The following CNBD1 variants were observed in gnomAD, a reference collection of about 807,000 sequenced individuals.
CNBD1 encodes the protein cyclic nucleotide-binding domain-containing protein 1.
A neutral mutation model predicts 54.4 loss-of-function variants in CNBD1; 71 were observed. The observed-to-expected ratio is 1.30, with a 90% CI of 1.08 to 1.59. The LOEUF (loss-of-function observed/expected upper bound fraction) is 1.59, where lower values mean the gene tolerates loss of function less well. Among genes scored for constraint, CNBD1 ranks in the 40% most tolerant of loss-of-function variants. The probability of loss-of-function intolerance (pLI) is 0.00; values close to 1 mark genes in which losing one functional copy is unlikely to be tolerated. For missense variants in CNBD1, 659 were observed against 518.0 expected (o/e 1.27, Z -2.64); for synonymous variants, 182 against 170.7 (o/e 1.07, Z -0.51).
intron 5 of CNBD1, among the ~76,000 whole-genome samples, chr8:87,208,576 ATGAT>A (rs1023842745): frequency 3.3e-5 from 5 of 152,034 alleles, no homozygotes; most frequent in Non-Finnish European, 5.9e-5. Flanking sequence ...GGACATTTTT[ATGAT>A]TGATAACCTA....
chr8:87,135,003 CTTAGAG>C (rs1586279918), intron 4 of CNBD1, among the ~76,000 whole-genome samples: 1 of 152,198 alleles, frequency 6.6e-6, no homozygotes, highest in East Asian at 1.9e-4. Flanking sequence ...AATGTTCACA[CTTAGAG>C]TTAGGTCATT....
At chr8:87,047,597 T>C (rs1362431178) in intron 4 of CNBD1, among the ~76,000 whole-genome samples, 3 of 152,348 alleles carry the variant, frequency 2.0e-5, no homozygotes, top group African/African-American at 7.2e-5. Flanking sequence ...AAGCAAAATA[T>C]TACAGAAGTG....
At position 87,202,045 on chromosome 8, in the gene CNBD1, CA is replaced by C. The variant is rs1466546112; in HGVS notation, c.432-3945del. 3.9e-5 allele frequency among the ~76,000 whole-genome samples: 6 copies of C among 152,054 alleles called. No homozygotes were observed. In the East Asian group the frequency reaches 1.2e-3, roughly 29 times the overall value. Reference sequence around the variant, plus strand: ...AGACATCATTTTGAAAATGTAATAACAAATATATGTAGGCAAATATATAAGC... The same window carrying C: ...AGACATCATTTTGAAAATGTAATAACAATATATGTAGGCAAATATATAAGC... On this transcript the variant is annotated intron_variant, in intron 4 of 10. Transcript: ENST00000518476.
chr8:87,080,407 C>G lies in CNBD1; in HGVS notation c.432-125586C>G, dbSNP rs575262107. 3.3e-5 allele frequency among the ~76,000 whole-genome samples: 5 copies of G among 152,084 alleles called. No individual in the cohort carries two copies. The East Asian group carries it at 7.7e-4, about 24-fold the overall frequency. On this transcript the variant is annotated intron_variant, in intron 4 of 10. Transcript: ENST00000518476. ...GACCAGCTTGGCTAACATGGTGAAACCCCGTCTCTACTAATAACGCAAAAA... is the reference window on the plus strand; with the variant it reads ...GACCAGCTTGGCTAACATGGTGAAAGCCCGTCTCTACTAATAACGCAAAAA...
chr8:87,411,936 G>A (rs942768513), intron 2 of CNBD1, among the ~76,000 whole-genome samples: 8 of 151,848 alleles, frequency 5.3e-5, no homozygotes, highest in Admixed American at 2.0e-4. Flanking sequence ...TTGCTTGTAC[G>A]GGAGAAGTGT....
intron 3 of CNBD1, among the ~76,000 whole-genome samples, chr8:86,913,723 C>T (rs9649984): frequency 0.29 from 43,443 of 152,016 alleles, 6,664 homozygotes; most frequent in East Asian, 0.42. Context: ...AGACTTGTCC[C>T]GCTGTGCACG....
chr8:86,887,198 A>C (rs1228285468), intron 1 of CNBD1, among the ~76,000 whole-genome samples: 1 of 152,172 alleles, frequency 6.6e-6, no homozygotes, highest in East Asian at 1.9e-4. Flanking sequence ...GTCATGTCTG[A>C]AGTTCTGGAA....
intron 10 of CNBD1, among the ~76,000 whole-genome samples, chr8:87,372,750 T>A (rs1810839987): frequency 6.6e-6 from 1 of 151,880 alleles, no homozygotes; most frequent in Non-Finnish European, 1.5e-5. Flanking sequence ...CTTAATAATT[T>A]AAGTTCAATC....
At chr8:87,411,641 G>A (rs1807748746) in intron 2 of CNBD1, among the ~76,000 whole-genome samples, 1 of 144,870 alleles carries the variant, frequency 6.9e-6, no homozygotes, top group Non-Finnish European at 1.5e-5. Context: ...CATAAGACAT[G>A]TGTTGGGCTT....
intron 4 of CNBD1, among the ~76,000 whole-genome samples, chr8:87,194,577 C>G (rs990165860): frequency 1.3e-5 from 2 of 152,116 alleles, no homozygotes; most frequent in Non-Finnish European, 2.9e-5. Context: ...AACCAATATC[C>G]CCTTTGGAAA....
At chr8:87,099,065 A>AAAAAAAAAC (rs978372704) in intron 4 of CNBD1, among the ~76,000 whole-genome samples, 1 of 143,982 alleles carries the variant, frequency 6.9e-6, no homozygotes, top group African/African-American at 2.8e-5. Context: ...AAAAAACAAA[A>AAAAAAAAAC]CTCCAAATTT....
intron 2 of CNBD1, among the ~76,000 whole-genome samples, chr8:87,411,333 T>A (rs1318546285): frequency 6.8e-6 from 1 of 146,632 alleles, no homozygotes; most frequent in East Asian, 2.1e-4. Context: ...ACCACAAAAG[T>A]CCACTTTTTT....
chr8:87,326,918 T>TC (rs1338993033), intron 8 of CNBD1, among the ~76,000 whole-genome samples: 16 of 88,478 alleles, frequency 1.8e-4, no homozygotes, highest in Non-Finnish European at 2.8e-4. Context: ...TTCTGTTTTT[T>TC]CCCCATCTTT....
At chr8:86,886,211 T>G (rs932588888) in intron 1 of CNBD1, among the ~76,000 whole-genome samples, 3 of 152,158 alleles carry the variant, frequency 2.0e-5, no homozygotes, top group Admixed American at 6.5e-5. Flanking sequence ...CTAATCTATG[T>G]ATATAAAAAT....
chr8:86,903,143 A>G (rs569638947), intron 2 of CNBD1, among the ~76,000 whole-genome samples: 26 of 152,176 alleles, frequency 1.7e-4, no homozygotes, highest in African/African-American at 6.0e-4. Context: ...CACTTCTTGG[A>G]CACACTACTT....
intron 8 of CNBD1, among the ~76,000 whole-genome samples, chr8:87,318,546 A>C (rs1386775796): frequency 6.6e-6 from 1 of 152,056 alleles, no homozygotes; most frequent in East Asian, 1.9e-4. Context: ...ATAATGCTGG[A>C]TGATTATTCT....
intron 4 of CNBD1, among the ~76,000 whole-genome samples, chr8:87,146,069 A>G (rs1487024255): frequency 6.6e-6 from 1 of 152,080 alleles, no homozygotes; most frequent in African/African-American, 2.4e-5. Flanking sequence ...ATATTTTCGA[A>G]TTCTTTTTCA....
intron 2 of CNBD1, among the ~76,000 whole-genome samples, chr8:87,394,199 C>T (rs1006741687): frequency 1.3e-5 from 2 of 151,800 alleles, no homozygotes; most frequent in African/African-American, 4.8e-5. Context: ...TGCCTTAAAG[C>T]ATTACAACCT....
chr8:87,183,667 C>G (rs1813411486), intron 4 of CNBD1, among the ~76,000 whole-genome samples: 1 of 151,936 alleles, frequency 6.6e-6, no homozygotes, highest in South Asian at 2.1e-4. Flanking sequence ...GGCTGATAGT[C>G]CTTTAATCTT....
Sources: gnomAD v4.1 joint callset for allele counts (sites outside exome capture counted in the v4.1 genomes callset) on GRCh38, gnomAD v4.1.1 for gene constraint, MANE v1.5 for transcripts, NCBI Gene and HGNC (gene_info 2026-07-23, HGNC 2026-07-21) for gene names.